The following SP7 variants were observed in gnomAD, a reference collection of about 807,000 sequenced individuals.
SP7 encodes transcription factor Sp7.
A neutral mutation model predicts 27.9 loss-of-function variants in SP7; 13 were observed. That is an observed-to-expected ratio of 0.47 (90% confidence interval 0.30 to 0.74). The LOEUF is 0.74. Ranked by LOEUF, SP7 falls within the 30% of genes least tolerant of loss-of-function variation. The pLI is 0.06. For missense variants in SP7, 525 were observed against 558.0 expected (o/e 0.94, Z 0.60); for synonymous variants, 219 against 226.7 (o/e 0.97, Z 0.31).
At chr12:53,332,305 T>C (rs1313589844) in intron 2 of SP7, among the ~76,000 whole-genome samples, 1 of 152,156 alleles carries the variant, frequency 6.6e-6, no homozygotes, top group Non-Finnish European at 1.5e-5. Context: ...TGGCATTGAA[T>C]AGCAGAAATA....
intron 1 of SP7, 66 bp from the exon 2 acceptor site, chr12:53,335,759 G>T: frequency 8.3e-7 from 1 of 1,212,064 alleles, no homozygotes; most frequent in Admixed American, 2.7e-5. Flanking sequence ...GAGAATGGGA[G>T]AGAAGAGATC....
chr12:53,341,140 A>G (rs549691310), upstream of SP7, among the ~76,000 whole-genome samples: 1 of 152,342 alleles, frequency 6.6e-6, no homozygotes, highest in African/African-American at 2.4e-5. Flanking sequence ...ACACAAATTT[A>G]CAGGTACAGA....
chr12:53,331,745 T>C (rs1276926088), intron 2 of SP7, among the ~76,000 whole-genome samples: 2 of 152,156 alleles, frequency 1.3e-5, no homozygotes, highest in East Asian at 3.8e-4. Context: ...AAGAACAGTT[T>C]TGAGGATTGG....
At chr12:53,338,492 T>C (rs2136850990), upstream of SP7, among the ~76,000 whole-genome samples, 1 of 151,984 alleles carries the variant, frequency 6.6e-6, no homozygotes, top group East Asian at 1.9e-4. Flanking sequence ...GGACTCAGAT[T>C]AGATGAGAGA....
intron 2 of SP7, among the ~76,000 whole-genome samples, chr12:53,331,549 C>G (rs1944706049): frequency 1.3e-5 from 2 of 151,772 alleles, no homozygotes; most frequent in Admixed American, 6.6e-5. Context: ...AAACCACTCT[C>G]AAGATCTTTA....
chr12:53,335,782 G>C (rs1944763342), intron 1 of SP7, 89 bp from the exon 2 acceptor site: 1 of 1,207,472 alleles, frequency 8.3e-7, no homozygotes, highest in Admixed American at 3.2e-5. Flanking sequence ...AAGTTAGAAG[G>C]GACCGGGGTG....
In SP7 at chr12:53,328,932, A is replaced by C; in HGVS notation, c.510T>G (p.Gly170=). ...DMHPGGNWLG[G]GQGQGDGLQG... is the part of the protein sequence containing the mutation. Reference sequence around the variant, plus strand: ...GCAGCCCATCACCCTGGCCCTGCCCACCACCTAGCCAGTTGCCTCCAGGGT... The same window carrying C: ...GCAGCCCATCACCCTGGCCCTGCCCCCCACCTAGCCAGTTGCCTCCAGGGT... Residue 170 remains glycine (G), a synonymous_variant, in exon 3 of 3, where the codon GGT becomes GGG. Coordinates refer to ENST00000536324, the MANE Select transcript of SP7 (RefSeq NM_001173467.3). The surrounding 1 kb of genome is among the most constrained non-coding windows in gnomAD (Gnocchi z 5.1). 1 of 1,611,408 alleles carries C rather than the reference A, an allele frequency of 6.2e-7. No homozygotes were observed. The highest frequency in any genetic ancestry group is 2.2e-5 in the East Asian group (1 of 44,824).
intron 1 of SP7, among the ~76,000 whole-genome samples, chr12:53,341,770 C>G (rs972929289): frequency 2.0e-5 from 3 of 152,116 alleles, no homozygotes; most frequent in African/African-American, 7.2e-5. Context: ...ATGGCAAAAC[C>G]CTGTCTCAGG....
At position 53,328,272 on chromosome 12, in the gene SP7, C is replaced by A. The variant is rs373328657; in HGVS notation, c.1170G>T (p.Glu390Asp). ...GPGPPPSGPK[E>D]LGEGRSTGEE... ...CCCCCGTGCTGCGGCCCTCCCCCAG[C>A]TCCTTGGGGCCACTGGGAGGGGGAC... is the stretch of plus-strand genomic sequence containing the variant. The change falls in exon 3 of 3, where the codon GAG (glutamate) becomes GAT (aspartate). Residue 390 changes from glutamate (E) to aspartate (D), a missense_variant. By Grantham distance (45) the Glu-to-Asp change is conservative. Coordinates refer to ENST00000536324, the MANE Select transcript of SP7 (RefSeq NM_001173467.3). This position sits in a 1 kb window ranked among gnomAD's most constrained non-coding sequence, Gnocchi z 5.1. The A allele has an allele frequency of 3.2e-5, 52 of 1,610,996 alleles. No homozygotes were observed. In the African/African-American group the frequency reaches 6.3e-4, roughly 19 times the overall value.
At chr12:53,336,792 G>T (rs1944776929), upstream of SP7, among the ~76,000 whole-genome samples, 1 of 151,968 alleles carries the variant, frequency 6.6e-6, no homozygotes, top group African/African-American at 2.4e-5. Flanking sequence ...GGCATGGAAG[G>T]TTCTGAGGTG....
In SP7 at chr12:53,328,902, C is replaced by T. The variant is rs1461984773; in HGVS notation, c.540G>A (p.Gly180=). The part of the protein sequence containing the change: ...GGQGQGDGLQ[G]TLPTGPAQPP... The stretch of plus-strand genomic sequence containing the variant: ...GCTGAGCTGGACCTGTGGGCAGTGT[C>T]CCTTGCAGCCCATCACCCTGGCCCT... Residue 180 remains glycine (G), a synonymous_variant, in exon 3 of 3, where the codon GGG becomes GGA. Transcript: ENST00000536324. The surrounding 1 kb of genome is among the most constrained non-coding windows in gnomAD (Gnocchi z 5.1). 8 of 1,612,138 alleles carry T rather than the reference C, an allele frequency of 5.0e-6. No individual in the cohort carries two copies. In the Admixed American group the frequency reaches 1.0e-4, roughly 20 times the overall value.
intron 1 of SP7, 56 bp from the exon 2 acceptor site, chr12:53,335,749 G>C: frequency 1.6e-6 from 2 of 1,247,696 alleles, no homozygotes; most frequent in Non-Finnish European, 2.1e-6. Flanking sequence ...GGGAGAATGG[G>C]AGAATGGGAG....
chr12:53,333,102 C>G (rs1430570269), intron 2 of SP7, among the ~76,000 whole-genome samples: 1 of 152,118 alleles, frequency 6.6e-6, no homozygotes, highest in African/African-American at 2.4e-5. Context: ...GAATGGGGAG[C>G]GAGGAACCAG....
rs1565789995 is a variant in SP7 at position 53,328,696 on chromosome 12, G to A, written c.746C>T (p.Pro249Leu). The A allele has an allele frequency of 2.5e-6, 4 of 1,606,204 alleles. No homozygotes were observed. Among genetic ancestry groups the A allele is most frequent in the Non-Finnish European group, 2.6e-6 (3 of 1,174,526 alleles). Residue 249 changes from proline to leucine, a missense_variant, in exon 3 of 3, where the codon CCA (proline) becomes CTA (leucine). Coordinates refer to ENST00000536324, the MANE Select transcript of SP7 (RefSeq NM_001173467.3). This position sits in a 1 kb window ranked among gnomAD's most constrained non-coding sequence, Gnocchi z 5.1. Reference sequence around the variant, plus strand: ...ACTACCCCCAGTGCTTGCACCCCGTGGGGGTTTGGCTCCACCACTCCCTTC... The same window carrying A: ...ACTACCCCCAGTGCTTGCACCCCGTAGGGGTTTGGCTCCACCACTCCCTTC... ...QLEGSGGAKP[P>L]RGASTGGSGG...
intron 2 of SP7, among the ~76,000 whole-genome samples, chr12:53,335,216 C>A (rs1944753005): frequency 6.6e-6 from 1 of 152,100 alleles, no homozygotes; most frequent in Non-Finnish European, 1.5e-5. Context: ...GCTCTGTGCC[C>A]ACTCAGCCAG....
At chr12:53,340,352 A>G (rs1944812567), upstream of SP7, among the ~76,000 whole-genome samples, 2 of 152,156 alleles carry the variant, frequency 1.3e-5, no homozygotes, top group Admixed American at 6.6e-5. Context: ...CCCTCTCCCT[A>G]TAAGGATCTG....
chr12:53,328,686 T>C lies in SP7; in HGVS notation c.756A>G (p.Ala252=). The change falls in exon 3 of 3, where the codon GCA becomes GCG. Residue 252 remains alanine, a synonymous_variant. Coordinates refer to ENST00000536324, the MANE Select transcript of SP7 (RefSeq NM_001173467.3). This position sits in a 1 kb window ranked among gnomAD's most constrained non-coding sequence, Gnocchi z 5.1. ...GSGGAKPPRG[A]STGGSGGYGG... Reference sequence around the variant, plus strand: ...CATATCCACCACTACCCCCAGTGCTTGCACCCCGTGGGGGTTTGGCTCCAC... The same window carrying C: ...CATATCCACCACTACCCCCAGTGCTCGCACCCCGTGGGGGTTTGGCTCCAC... 6.2e-7 allele frequency: 1 copy of C among 1,606,884 alleles called. No homozygotes were observed. The highest frequency in any genetic ancestry group is 8.5e-7 in the Non-Finnish European group (1 of 1,175,032).
rs192844768 is a variant in SP7 at position 53,344,160 on chromosome 12, C to T, written c.-34+954G>A. 2.4e-4 allele frequency among the ~76,000 whole-genome samples: 36 copies of T among 152,246 alleles called. No individual in the cohort carries two copies. Among genetic ancestry groups the T allele is most frequent in the African/African-American group, 8.7e-4 (36 of 41,532 alleles). Reference sequence around the variant, plus strand: ...AGGGGTGAGTAGTCACACATGACTTCCCTTGATCTGTGTGTTGATGTGTGC... The same window carrying T: ...AGGGGTGAGTAGTCACACATGACTTTCCTTGATCTGTGTGTTGATGTGTGC... On this transcript the variant is annotated intron_variant, in intron 1 of 1. Transcript: ENST00000547755. This position sits in a 1 kb window ranked among gnomAD's most constrained non-coding sequence, Gnocchi z 4.6.
rs760846224 is a variant in SP7, at chr12:53,328,300, G to A, written c.1142C>T (p.Pro381Leu). The A allele has an allele frequency of 3.2e-5, 51 of 1,610,738 alleles. No individual in the cohort carries two copies. In the South Asian group the frequency reaches 4.1e-4, roughly 13 times the overall value. ...KHQRTHGEPGPGPPPSGPKEL... is the reference protein window; with the variant it reads ...KHQRTHGEPGLGPPPSGPKEL... ...CTTGGGGCCACTGGGAGGGGGACCCGGGCCTGGTTCTCCATGGGTGCGCTG... is the reference window on the plus strand; with the variant it reads ...CTTGGGGCCACTGGGAGGGGGACCCAGGCCTGGTTCTCCATGGGTGCGCTG... The change falls in exon 3 of 3, where the codon CCG becomes CTG. Residue 381 changes from proline (P) to leucine (L), a missense_variant. Transcript: ENST00000536324. This position sits in a 1 kb window ranked among gnomAD's most constrained non-coding sequence, Gnocchi z 5.1.
Sources: allele counts gnomAD v4.1 joint callset (sites outside exome capture counted in the v4.1 genomes callset), GRCh38; gene constraint gnomAD v4.1.1; non-coding constraint Gnocchi (gnomAD v3.1); transcripts MANE v1.5; gene names NCBI Gene and HGNC (gene_info 2026-07-23, HGNC 2026-07-21).